RBFOX3: variants seen among roughly 807,000 people sequenced by gnomAD.
RBFOX3 encodes RNA binding protein fox-1 homolog 3.
RBFOX3 carries 17 observed loss-of-function variants against 48.7 expected under a neutral mutation model. That is an observed-to-expected ratio of 0.35 (90% confidence interval 0.24 to 0.52). The LOEUF is 0.52. Among genes scored for constraint, RBFOX3 ranks in the 20% least tolerant of loss-of-function variants. The pLI is 0.94. For synonymous variants in RBFOX3, 212 were observed against 209.5 expected, an observed-to-expected ratio of 1.01 and a Z score of -0.10; for missense variants, 382 against 497.5, an observed-to-expected ratio of 0.77 and a Z score of 2.21.
intron 2 of RBFOX3, among the ~76,000 whole-genome samples, chr17:79,340,266 T>A (rs556507764): frequency 6.8e-6 from 1 of 146,606 alleles, no homozygotes; most frequent in Admixed American, 6.9e-5. Context: ...ACCATTGCAC[T>A]CCAGCCTGGG....
At chr17:79,566,326 C>T (rs1028575742) in intron 1 of RBFOX3, among the ~76,000 whole-genome samples, 2,444 of 152,336 alleles carry the variant, frequency 0.016, 63 homozygotes, top group African/African-American at 0.056. Flanking sequence ...GGTCTCCACT[C>T]ATCCACTGTA....
intron 1 of RBFOX3, among the ~76,000 whole-genome samples, chr17:79,590,232 C>G (rs1039434326): frequency 6.6e-6 from 1 of 152,124 alleles, no homozygotes; most frequent in African/African-American, 2.4e-5. Context: ...AGACACGCGC[C>G]AAGATAGCAC....
chr17:79,389,499 A>G (rs774937392), intron 2 of RBFOX3, among the ~76,000 whole-genome samples: 3 of 152,326 alleles, frequency 2.0e-5, no homozygotes, highest in Non-Finnish European at 4.4e-5. Context: ...AGGGGAATTG[A>G]CAAATGCTAC....
chr17:79,403,146 G>GAACA, intron 2 of RBFOX3, among the ~76,000 whole-genome samples: 1 of 152,166 alleles, frequency 6.6e-6, no homozygotes, highest in Non-Finnish European at 1.5e-5. Flanking sequence ...CCCCTCGCTG[G>GAACA]GGCCCTGAAC....
intron 1 of RBFOX3, chr17:79,598,344 A>ACACACATACATGCACACATGCG (rs2093620020): frequency 6.6e-5 from 10 of 151,548 alleles, no homozygotes; most frequent in Non-Finnish European, 1.2e-4. Flanking sequence ...ATGCACATGC[A>ACACACATACATGCACACATGCG]CACACATACA....
intron 4 of RBFOX3, among the ~76,000 whole-genome samples, chr17:79,167,117 G>A (rs1310540831): frequency 6.6e-6 from 1 of 152,202 alleles, no homozygotes; most frequent in Non-Finnish European, 1.5e-5. Flanking sequence ...ACTCTGGGCC[G>A]CAGTTCTTCT....
intron 3 of RBFOX3, among the ~76,000 whole-genome samples, chr17:79,255,633 G>A (rs1026780690): frequency 2.0e-5 from 3 of 152,026 alleles, no homozygotes; most frequent in Non-Finnish European, 4.4e-5. Flanking sequence ...AGGAAGCCTC[G>A]GGAAGCTGCT....
At chr17:79,469,981 C>T (rs1036845467) in intron 2 of RBFOX3, among the ~76,000 whole-genome samples, 1 of 152,158 alleles carries the variant, frequency 6.6e-6, no homozygotes, top group South Asian at 2.1e-4. Flanking sequence ...TAAAACACAT[C>T]CCTGGCAGTG....
At chr17:79,375,880 T>G (rs1315734500) in intron 2 of RBFOX3, among the ~76,000 whole-genome samples, 1 of 152,226 alleles carries the variant, frequency 6.6e-6, no homozygotes, top group African/African-American at 2.4e-5. Flanking sequence ...CTGTGTGGCC[T>G]CGGGCAAGTT....
At chr17:79,383,322 C>A (rs1025910223) in intron 2 of RBFOX3, among the ~76,000 whole-genome samples, 1 of 152,272 alleles carries the variant, frequency 6.6e-6, no homozygotes, top group South Asian at 2.1e-4. Flanking sequence ...CACGTGACCA[C>A]TGCCTCCCCA....
In RBFOX3 at chr17:79,607,110, A is replaced by C. The variant is rs1033173086; in HGVS notation, c.-320+3716T>G. Among the ~76,000 whole-genome samples, 190 of 152,186 alleles carry C rather than the reference A, an allele frequency of 1.2e-3. 1 individual carries two copies. Among genetic ancestry groups the C allele is most frequent in the African/African-American group, 3.7e-3 (153 of 41,524 alleles). ...AGCTTATCAAAGGGTGGAGGTACAA[A>C]CGGGATGTGTTTATAAAGCCGGTGC... On this transcript the variant is annotated intron_variant, in intron 1 of 14. Transcript: ENST00000693108.
At chr17:79,106,181 C>T (rs2146643257) in intron 6 of RBFOX3, among the ~76,000 whole-genome samples, 1 of 152,094 alleles carries the variant, frequency 6.6e-6, no homozygotes. Flanking sequence ...CCCCCGGGCA[C>T]ACAAGAGAGG....
At chr17:79,474,644 T>C (rs1555759382) in intron 2 of RBFOX3, among the ~76,000 whole-genome samples, 4 of 152,218 alleles carry the variant, frequency 2.6e-5, no homozygotes, top group Non-Finnish European at 2.9e-5. Flanking sequence ...AGGATCTATT[T>C]TCTGCTTCCA....
At chr17:79,152,484 C>T (rs1370557737) in intron 4 of RBFOX3, among the ~76,000 whole-genome samples, 1 of 152,110 alleles carries the variant, frequency 6.6e-6, no homozygotes, top group Non-Finnish European at 1.5e-5. Flanking sequence ...TCCAGCTGGG[C>T]CGGGGGTCAC....
In RBFOX3 at chr17:79,477,449, G is replaced by A. The variant is rs374727658; in HGVS notation, c.-175+5005C>T. Among the ~76,000 whole-genome samples, 82 of 151,948 alleles carry A rather than the reference G, an allele frequency of 5.4e-4. No homozygotes were observed. In the South Asian group the frequency reaches 0.011, roughly 20 times the overall value. ...CGGGCGCCTGTAGTCCCAGCTACTTGGGAGGCTGAGGCAGGAGAATGGCGT... is the reference window on the plus strand; with the variant it reads ...CGGGCGCCTGTAGTCCCAGCTACTTAGGAGGCTGAGGCAGGAGAATGGCGT... On this transcript the variant is annotated intron_variant, in intron 2 of 14. Coordinates refer to ENST00000693108, the MANE Select transcript of RBFOX3 (RefSeq NM_001350451.2). The surrounding 1 kb of genome is among the most constrained non-coding windows in gnomAD (Gnocchi z 4.8).
intron 2 of RBFOX3, among the ~76,000 whole-genome samples, chr17:79,442,930 G>C (rs558143599): frequency 6.6e-6 from 1 of 152,318 alleles, no homozygotes; most frequent in South Asian, 2.1e-4. Flanking sequence ...AGCCACAATG[G>C]AAAATCTGAC....
chr17:79,527,176 T>C (rs1418081356), intron 1 of RBFOX3, among the ~76,000 whole-genome samples: 1 of 152,274 alleles, frequency 6.6e-6, no homozygotes, highest in Admixed American at 6.5e-5. Context: ...GAGAATCCTT[T>C]AGCTCGGCTT....
intron 2 of RBFOX3, among the ~76,000 whole-genome samples, chr17:79,332,613 C>T (rs1020308722): frequency 6.6e-6 from 1 of 151,666 alleles, no homozygotes; most frequent in Non-Finnish European, 1.5e-5. Context: ...AACAGAGACA[C>T]ACACAGAGAG....
intron 4 of RBFOX3, among the ~76,000 whole-genome samples, chr17:79,169,235 C>T (rs1470569600): frequency 6.6e-6 from 1 of 152,298 alleles, no homozygotes; most frequent in Admixed American, 6.5e-5. Flanking sequence ...GGGCCCAGGG[C>T]AGTCAGCAAC....
Sources: gnomAD v4.1 joint callset for allele counts (sites outside exome capture counted in the v4.1 genomes callset) on GRCh38, gnomAD v4.1.1 for gene constraint, Gnocchi (gnomAD v3.1) non-coding constraint, MANE v1.5 for transcripts, NCBI Gene and HGNC (gene_info 2026-07-23, HGNC 2026-07-21) for gene names.